FMN1: variants seen among roughly 807,000 people sequenced by gnomAD.
FMN1 encodes formin-1.
Under a neutral mutation model 132.4 loss-of-function variants are expected in FMN1, and 110 were observed. The ratio of observed to expected loss-of-function variants is 0.83; its 90% confidence interval spans 0.71 to 0.97. The LOEUF is 0.97. Among genes scored for constraint, FMN1 ranks in the 50% least tolerant of loss-of-function variants. The pLI, the probability that FMN1 is intolerant of heterozygous loss-of-function variation, is 0.00. For synonymous variants in FMN1, 722 were observed against 651.7 expected, an observed-to-expected ratio of 1.11 and a Z score of -1.64; for missense variants, 1,792 against 1,705.3, an observed-to-expected ratio of 1.05 and a Z score of -0.90.
chr15:32,934,898 T>C (rs972830609), intron 9 of FMN1, among the ~76,000 whole-genome samples: 4 of 150,914 alleles, frequency 2.7e-5, no homozygotes, highest in African/African-American at 9.8e-5. Flanking sequence ...TGAGCCACTG[T>C]ATCTGGCCAA....
rs147234033 is a variant in FMN1, at chr15:33,012,322, A to T, written c.2162-4247T>A. 7.5e-3 allele frequency: 6,014 copies of T among 800,936 alleles called. 38 individuals carry two copies. Among genetic ancestry groups the T allele is most frequent in the Non-Finnish European group, 0.011 (5,158 of 455,646 alleles). 49.6% of individuals were successfully genotyped at this position (800,936 alleles called of 1,614,324 possible). A position where few individuals can be genotyped will look rare whatever the true frequency, so the allele number is the denominator to read the frequency against. On this transcript the variant is annotated intron_variant, in intron 6 of 20. Transcript: ENST00000616417. ...TCTCATATGCCACCGTGGAGGAGGC[A>T]GATGCAGCCATGAATGCAAGGCCAC...
At chr15:32,817,104 C>A (rs1333194780) in intron 17 of FMN1, among the ~76,000 whole-genome samples, 3 of 152,192 alleles carry the variant, frequency 2.0e-5, no homozygotes, top group Non-Finnish European at 2.9e-5. Flanking sequence ...TGTTCTAGAT[C>A]TATTTACACG....
chr15:32,802,933 G>A (rs2057529550), intron 18 of FMN1, among the ~76,000 whole-genome samples: 1 of 152,180 alleles, frequency 6.6e-6, no homozygotes, highest in Non-Finnish European at 1.5e-5. Context: ...ATGATAGGAT[G>A]ATAAGCACGA....
intron 17 of FMN1, among the ~76,000 whole-genome samples, chr15:32,819,250 C>T (rs571257562): frequency 7.9e-5 from 12 of 152,298 alleles, no homozygotes; most frequent in African/African-American, 2.9e-4. Context: ...ATTAGGTGGA[C>T]ATACGGCTCT....
Position 33,154,930 on chromosome 15 carries a change from A to C in FMN1, c.-16T>G, listed in dbSNP as rs1299468931. On this transcript the variant is annotated 5_prime_UTR_variant, in exon 4 of 21. Transcript: ENST00000616417. ...TGCCTTCCATTATGCCTACCTAATT[A>C]TTCATGCCTTGGAGATGCCGGTTTG... The C allele has an allele frequency of 4.6e-6, 7 of 1,513,722 alleles. No individual in the cohort carries two copies. The Admixed American group carries it at 1.4e-4, about 31-fold the overall frequency. The allele number at this position is 1,513,722 out of a possible 1,614,324, so 93.8% of individuals were successfully genotyped here.
At chr15:32,933,895 T>C (rs909055838) in intron 9 of FMN1, among the ~76,000 whole-genome samples, 3 of 152,202 alleles carry the variant, frequency 2.0e-5, no homozygotes, top group Non-Finnish European at 4.4e-5. Context: ...ATGACTATTA[T>C]AGACAGCATA....
chr15:32,779,414 TA>T (rs1391834841), intron 19 of FMN1, among the ~76,000 whole-genome samples: 1 of 152,218 alleles, frequency 6.6e-6, no homozygotes, highest in East Asian at 1.9e-4. Flanking sequence ...TAGACAATAT[TA>T]ACTGTTTGTG....
intron 6 of FMN1, among the ~76,000 whole-genome samples, chr15:33,050,554 T>G (rs8039567): frequency 0.073 from 11,040 of 152,194 alleles, 529 homozygotes; most frequent in Middle Eastern, 0.13. Flanking sequence ...AAATACAAAT[T>G]TAAAAAACAG....
intron 6 of FMN1, among the ~76,000 whole-genome samples, chr15:33,048,644 A>ACAAACAAACAAAAAAAAAC (rs1555388957): frequency 1.2e-5 from 1 of 86,920 alleles, no homozygotes; most frequent in African/African-American, 4.1e-5. Context: ...AAAAAAAAAA[A>ACAAACAAACAAAAAAAAAC]AAAAACCAAC....
chr15:33,172,159 G>T (rs1258344452), intron 3 of FMN1, among the ~76,000 whole-genome samples: 5 of 151,454 alleles, frequency 3.3e-5, no homozygotes, highest in African/African-American at 7.3e-5. Flanking sequence ...AGTGAGCCGA[G>T]ATCGCGCCAC....
chr15:33,048,260 A>G (rs2036783311), intron 6 of FMN1, among the ~76,000 whole-genome samples: 1 of 152,184 alleles, frequency 6.6e-6, no homozygotes, highest in Non-Finnish European at 1.5e-5. Context: ...GATTCTACAT[A>G]AGGCCTGGGG....
rs893698468 is a variant in FMN1, at chr15:33,084,628, GTT to G, written c.2043+4169_2043+4170del. On this transcript the variant is annotated intron_variant, in intron 5 of 20. Coordinates refer to ENST00000616417, the MANE Select transcript of FMN1 (RefSeq NM_001277313.2). The stretch of plus-strand genomic sequence containing the variant: ...CAGAAGTGTTGTGAAGGTAAAGGAG[GTT>G]TTGTTTGTTTGTTTGTTTTCATTTA... Among the ~76,000 whole-genome samples the G allele has an allele frequency of 2.0e-5, 3 of 151,676 alleles. 1 individual carries two copies. Among genetic ancestry groups the G allele is most frequent in the Non-Finnish European group, 4.4e-5 (3 of 68,022 alleles).
chr15:33,112,998 G>A (rs146659918), intron 4 of FMN1, among the ~76,000 whole-genome samples: 99 of 152,350 alleles, frequency 6.5e-4, no homozygotes, highest in Middle Eastern at 3.4e-3. Context: ...TTTGACAACA[G>A]TGTCTTCTCT....
intron 9 of FMN1, among the ~76,000 whole-genome samples, chr15:32,935,321 A>G (rs368690645): frequency 4.4e-4 from 67 of 152,306 alleles, no homozygotes; most frequent in African/African-American, 1.5e-3. Flanking sequence ...GTTCATGCTG[A>G]GAAATCTTCT....
At position 33,043,604 on chromosome 15, in the gene FMN1, G is replaced by A. The variant is rs952259254; in HGVS notation, c.2161+21353C>T. ...TTGGCTGAAGTTTTTTTAACAGATG[G>A]TGTCAGAAGTGGGATAAAAAGTGGC... On this transcript the variant is annotated intron_variant, in intron 6 of 20. Coordinates refer to ENST00000616417, the MANE Select transcript of FMN1 (RefSeq NM_001277313.2). 5.3e-4 allele frequency among the ~76,000 whole-genome samples: 80 copies of A among 152,354 alleles called. 1 individual carries two copies. Among genetic ancestry groups the A allele is most frequent in the Non-Finnish European group, 1.2e-4 (8 of 68,040 alleles).
rs2056321288 is a variant in FMN1 at position 32,773,620 on chromosome 15, G to A, written c.*690C>T. 6.6e-6 allele frequency: 1 copy of A among 151,908 alleles called. No homozygotes were observed. Among genetic ancestry groups the A allele is most frequent in the Admixed American group, 6.5e-5 (1 of 15,276 alleles). The allele number at this position is 151,908 out of a possible 1,614,324, so 9.4% of individuals were successfully genotyped here. On this transcript the variant is annotated 3_prime_UTR_variant, in exon 21 of 21. Transcript: ENST00000616417. ...GAATGGGCCTCACTTAACAACTGAT[G>A]TCAACTCCTTGCATGGTAACTTGTT... is the stretch of plus-strand genomic sequence containing the variant.
intron 6 of FMN1, among the ~76,000 whole-genome samples, chr15:33,009,225 C>T (rs912851901): frequency 1.3e-5 from 2 of 152,114 alleles, no homozygotes; most frequent in Non-Finnish European, 2.9e-5. Context: ...ACCAGCACCA[C>T]GATAATCCAA....
chr15:33,061,000 A>C (rs905772682), intron 6 of FMN1, among the ~76,000 whole-genome samples: 1 of 152,210 alleles, frequency 6.6e-6, no homozygotes, highest in African/African-American at 2.4e-5. Flanking sequence ...GATGGAGGCG[A>C]AACGAAGCCC....
chr15:33,026,227 G>A (rs2035663234), intron 6 of FMN1, among the ~76,000 whole-genome samples: 1 of 151,236 alleles, frequency 6.6e-6, no homozygotes, highest in Admixed American at 6.6e-5. Flanking sequence ...GAAAGAGGCA[G>A]AGAAATTGAA....
Sources: gnomAD v4.1 joint callset for allele counts (sites outside exome capture counted in the v4.1 genomes callset) on GRCh38, gnomAD v4.1.1 for gene constraint, MANE v1.5 for transcripts, NCBI Gene and HGNC (gene_info 2026-07-23, HGNC 2026-07-21) for gene names.